The following BPHL variants were observed in gnomAD, a reference collection of about 807,000 sequenced individuals.
The protein encoded by BPHL is serine hydrolase BPHL.
In BPHL, 27 loss-of-function variants were observed where a neutral mutation model predicts 31.2. The ratio of observed to expected loss-of-function variants is 0.87; its 90% CI spans 0.64 to 1.19. The LOEUF is 1.19. BPHL is among the 50% of genes most tolerant of loss of function. The pLI is 0.00. For missense variants in BPHL, 356 were observed against 375.7 expected, an observed-to-expected ratio of 0.95 and a Z score of 0.43; for synonymous variants, 150 against 146.8, an observed-to-expected ratio of 1.02 and a Z score of -0.16.
intron 6 of BPHL, among the ~76,000 whole-genome samples, chr6:3,146,035 C>CT (rs1554121902): frequency 1.3e-4 from 1 of 7,696 alleles, no homozygotes; most frequent in Non-Finnish European, 2.9e-4. Flanking sequence ...AGTGCTGGTT[C>CT]GGGTGGAGTG....
intron 6 of BPHL, among the ~76,000 whole-genome samples, chr6:3,144,019 A>G: frequency 6.6e-6 from 1 of 152,230 alleles, no homozygotes; most frequent in East Asian, 1.9e-4. Context: ...ATGCGCCTCC[A>G]GTTGCTCGCT....
At chr6:3,132,518 G>A (rs1333660370) in intron 4 of BPHL, among the ~76,000 whole-genome samples, 2 of 152,032 alleles carry the variant, frequency 1.3e-5, no homozygotes, top group African/African-American at 2.4e-5. Context: ...CCACATGTTC[G>A]ACTGTTGTTT....
Position 3,149,676 on chromosome 6 carries a change from G to A in BPHL, c.789-2812G>A, listed in dbSNP as rs1480992406. The stretch of plus-strand genomic sequence containing the variant: ...GAGATAGAGCCTTGCTCTATTGCCC[G>A]GGCTGGAGTGCAGTGGCGGGATCTC... On this transcript the variant is annotated intron_variant, in intron 6 of 6. Coordinates refer to ENST00000380379, the MANE Select transcript of BPHL (RefSeq NM_004332.4). The surrounding 1 kb of genome is among the most constrained non-coding windows in gnomAD (Gnocchi z 4.6). Among the ~76,000 whole-genome samples, 4 of 152,220 alleles carry A rather than the reference G, an allele frequency of 2.6e-5. No individual in the cohort carries two copies. The highest frequency in any genetic ancestry group is 1.9e-4 in the East Asian group (1 of 5,180).
Position 3,118,815 on chromosome 6 carries a change from C to T in BPHL, c.75C>T (p.His25=), listed in dbSNP as rs1323050825. 12 of 1,244,122 alleles carry T rather than the reference C, an allele frequency of 9.6e-6. No homozygotes were observed. Among genetic ancestry groups the T allele is most frequent in the African/African-American group, 1.6e-5 (1 of 64,468 alleles). 77.1% of individuals were successfully genotyped at this position (1,244,122 alleles called of 1,614,324 possible). A position where few individuals can be genotyped will look rare whatever the true frequency, so the allele number is the denominator to read the frequency against. ...TCTCAGCGCTGAAGCCCGGGATCCA[C>T]GTCCCACGGGCCGGACCCGCGGCCG... ...LLLSALKPGI[H]VPRAGPAAAF... The change falls in exon 1 of 7, where the codon CAC becomes CAT. Residue 25 remains histidine (H), a synonymous_variant. Coordinates refer to ENST00000380379, the MANE Select transcript of BPHL (RefSeq NM_004332.4).
intron 1 of BPHL, among the ~76,000 whole-genome samples, chr6:3,122,107 G>A (rs1361641660): frequency 2.6e-5 from 4 of 151,996 alleles, no homozygotes; most frequent in Non-Finnish European, 4.4e-5. Flanking sequence ...GTGAAACCCC[G>A]TCTCTACTAA....
At position 3,149,030 on chromosome 6, in the gene BPHL, C is replaced by T. The variant is rs1163171312; in HGVS notation, c.789-3458C>T. Among the ~76,000 whole-genome samples, 2 of 152,206 alleles carry T rather than the reference C, an allele frequency of 1.3e-5. No homozygotes were observed. The highest frequency in any genetic ancestry group is 4.8e-5 in the African/African-American group (2 of 41,446). On this transcript the variant is annotated intron_variant, in intron 6 of 6. Transcript: ENST00000380379. This position sits in a 1 kb window ranked among gnomAD's most constrained non-coding sequence, Gnocchi z 4.6. ...CAGCAGACATTTATTAAGCTTACCA[C>T]GTACCCGCAGACCCTATGCTGCATA... is the stretch of plus-strand genomic sequence containing the variant.
chr6:3,120,401 G>C (rs533358298), intron 1 of BPHL, among the ~76,000 whole-genome samples: 5 of 152,128 alleles, frequency 3.3e-5, no homozygotes, highest in African/African-American at 1.2e-4. Context: ...TTGCATTGCA[G>C]ATCATTCTTC....
chr6:3,125,971 C>T (rs1330756164), intron 2 of BPHL, among the ~76,000 whole-genome samples: 5 of 152,194 alleles, frequency 3.3e-5, no homozygotes, highest in Non-Finnish European at 7.3e-5. Flanking sequence ...CTGGACTGGG[C>T]TCTGTGAGAG....
chr6:3,144,391 G>GT (rs796426507), intron 6 of BPHL, among the ~76,000 whole-genome samples: 18 of 130,286 alleles, frequency 1.4e-4, no homozygotes, highest in East Asian at 4.8e-4. Flanking sequence ...TTTTTTTTTT[G>GT]TTTTTTTTTT....
At chr6:3,142,369 G>C (rs1762203006) in intron 6 of BPHL, among the ~76,000 whole-genome samples, 2 of 151,956 alleles carry the variant, frequency 1.3e-5, no homozygotes, top group South Asian at 4.1e-4. Context: ...CACCCACCTT[G>C]GCCTCCCAAA....
At chr6:3,128,783 C>A (rs1382917083) in intron 3 of BPHL, among the ~76,000 whole-genome samples, 1 of 152,222 alleles carries the variant, frequency 6.6e-6, no homozygotes, top group Non-Finnish European at 1.5e-5. Context: ...ATTCTAGTTC[C>A]TTGAGCTTTT....
rs1231447516 is a variant in BPHL, at chr6:3,118,733, C to A, written c.-8C>A. 7.9e-7 allele frequency: 1 copy of A among 1,260,824 alleles called. No individual in the cohort carries two copies. The highest frequency in any genetic ancestry group is 1.0e-6 in the Non-Finnish European group (1 of 999,268). The allele number at this position is 1,260,824 out of a possible 1,614,324, so 78.1% of individuals were successfully genotyped here. On this transcript the variant is annotated 5_prime_UTR_variant, in exon 1 of 7. It adds an upstream start codon to the 5' untranslated region. Transcript: ENST00000380379. The stretch of plus-strand genomic sequence containing the variant: ...TGCGCACTCCCGGCAGCTACGCGAC[C>A]TGTGACCATGGTGGCTGTGCTGGGC...
intron 2 of BPHL, chr6:3,127,023 G>A (rs1761734462): frequency 5.7e-6 from 2 of 348,820 alleles, no homozygotes; most frequent in South Asian, 1.4e-4. Flanking sequence ...CGCCCGCCTC[G>A]GCCTCCCAAA....
chr6:3,127,547 G>T (rs150265099), intron 3 of BPHL, 139 bp downstream of exon 3: 12 of 659,534 alleles, frequency 1.8e-5, no homozygotes, highest in Non-Finnish European at 2.5e-5. Context: ...GTTCAAATAG[G>T]TATAAAGAAG....
At chr6:3,143,241 A>C (rs1762227914) in intron 6 of BPHL, among the ~76,000 whole-genome samples, 3 of 150,814 alleles carry the variant, frequency 2.0e-5, no homozygotes, top group African/African-American at 7.5e-5. Context: ...AACAAACAAA[A>C]AAACACTTAA....
At chr6:3,144,106 T>C (rs1001356836) in intron 6 of BPHL, among the ~76,000 whole-genome samples, 31 of 152,334 alleles carry the variant, frequency 2.0e-4, no homozygotes, top group African/African-American at 3.4e-4. Context: ...GTCTCGCTGT[T>C]GCCCAGGCTG....
Position 3,149,235 on chromosome 6 carries a change from G to A in BPHL, c.789-3253G>A, listed in dbSNP as rs1222003982. The stretch of plus-strand genomic sequence containing the variant: ...CGTAAAGCCAGTGTTTTCCTCCCAC[G>A]ATGATGCCTCCAGTTTACATCCAAA... On this transcript the variant is annotated intron_variant, in intron 6 of 6. Coordinates refer to ENST00000380379, the MANE Select transcript of BPHL (RefSeq NM_004332.4). The surrounding 1 kb of genome is among the most constrained non-coding windows in gnomAD (Gnocchi z 4.6). Among the ~76,000 whole-genome samples the A allele has an allele frequency of 6.6e-6, 1 of 152,086 alleles. No homozygotes were observed. The highest frequency in any genetic ancestry group is 1.5e-5 in the Non-Finnish European group (1 of 68,012).
Position 3,149,795 on chromosome 6 carries a change from A to T in BPHL, c.789-2693A>T, listed in dbSNP as rs954181532. ...TAGGCGCGCATCACCACGCCGGCTA[A>T]TTTTTGTGTTTTTGGTAGAGATGGA... On this transcript the variant is annotated intron_variant, in intron 6 of 6. Coordinates refer to ENST00000380379, the MANE Select transcript of BPHL (RefSeq NM_004332.4). This position sits in a 1 kb window ranked among gnomAD's most constrained non-coding sequence, Gnocchi z 4.6. Among the ~76,000 whole-genome samples the T allele has an allele frequency of 1.3e-4, 20 of 151,988 alleles. 1 individual carries two copies. Among genetic ancestry groups the T allele is most frequent in the Non-Finnish European group, 2.6e-4 (18 of 68,010 alleles).
intron 1 of BPHL, among the ~76,000 whole-genome samples, 167 bp from the exon 2 acceptor site, chr6:3,123,490 A>G (rs1361233960): frequency 6.6e-6 from 1 of 152,198 alleles, no homozygotes; most frequent in Non-Finnish European, 1.5e-5. Context: ...AACATTCAGT[A>G]TCTTCCTTCT....
Sources: allele counts gnomAD v4.1 joint callset (sites outside exome capture counted in the v4.1 genomes callset), GRCh38; gene constraint gnomAD v4.1.1; non-coding constraint Gnocchi (gnomAD v3.1); transcripts MANE v1.5; gene names NCBI Gene and HGNC (gene_info 2026-07-23, HGNC 2026-07-21).